LRRTM3: variants seen among roughly 807,000 people sequenced by gnomAD.
The protein encoded by LRRTM3 is leucine-rich repeat transmembrane neuronal protein 3.
A neutral mutation model predicts 44.7 loss-of-function variants in LRRTM3; 24 were observed. The observed-to-expected ratio is 0.54, with a 90% CI of 0.39 to 0.76. The LOEUF is 0.76. Ranked by LOEUF, LRRTM3 falls within the 30% of genes least tolerant of loss-of-function variation. LRRTM3 has a pLI of 0.00. For missense variants in LRRTM3, 587 were observed against 702.2 expected (o/e 0.84, Z 1.85); for synonymous variants, 277 against 278.7 (o/e 0.99, Z 0.06).
At chr10:67,059,405 C>A (rs574437240) in intron 2 of LRRTM3, among the ~76,000 whole-genome samples, 7 of 152,074 alleles carry the variant, frequency 4.6e-5, no homozygotes, top group African/African-American at 1.7e-4. Context: ...GAATTGAAAA[C>A]AATTAATTGC....
chr10:66,946,795 C>T (rs1168913219), intron 2 of LRRTM3, among the ~76,000 whole-genome samples: 1 of 151,976 alleles, frequency 6.6e-6, no homozygotes, highest in Non-Finnish European at 1.5e-5. Flanking sequence ...AGAATTAATC[C>T]CCCTCTTATT....
intron 2 of LRRTM3, among the ~76,000 whole-genome samples, chr10:67,079,783 T>C (rs796362028): frequency 1.3e-5 from 2 of 151,686 alleles, no homozygotes; most frequent in African/African-American, 4.8e-5. Context: ...GGGAGGCGGA[T>C]GTTGCAGTGA....
chr10:66,992,341 T>C (rs1365142305), intron 2 of LRRTM3, among the ~76,000 whole-genome samples: 4 of 152,132 alleles, frequency 2.6e-5, no homozygotes, highest in Non-Finnish European at 5.9e-5. Flanking sequence ...TTTATATCCT[T>C]TGCCTATTTG....
chr10:67,060,925 T>C (rs188139966), intron 2 of LRRTM3, among the ~76,000 whole-genome samples: 143 of 152,286 alleles, frequency 9.4e-4, no homozygotes, highest in Non-Finnish European at 1.1e-3. Context: ...TAGCCTATCT[T>C]GACTGGTAGA....
intron 2 of LRRTM3, among the ~76,000 whole-genome samples, chr10:67,043,135 CTT>C (rs34946963): frequency 0.034 from 3,476 of 103,744 alleles, 111 homozygotes; most frequent in African/African-American, 0.078. Context: ...CACTTTCTTT[CTT>C]TTTTTTTTTT....
At chr10:66,990,495 AT>A (rs899750692) in intron 2 of LRRTM3, among the ~76,000 whole-genome samples, 7 of 152,248 alleles carry the variant, frequency 4.6e-5, no homozygotes, top group Admixed American at 1.3e-4. Flanking sequence ...ACCTATTTAG[AT>A]TTTTTTGTAC....
At chr10:67,042,677 G>A (rs948900041) in intron 2 of LRRTM3, among the ~76,000 whole-genome samples, 62 of 152,054 alleles carry the variant, frequency 4.1e-4, no homozygotes, top group African/African-American at 1.4e-3. Flanking sequence ...AGGTAAGAGT[G>A]GGGAAACTAT....
intron 2 of LRRTM3, among the ~76,000 whole-genome samples, chr10:67,077,429 T>TTTGCCCCACTCCCC (rs1218259322): frequency 6.6e-6 from 1 of 152,146 alleles, no homozygotes; most frequent in Non-Finnish European, 1.5e-5. Flanking sequence ...ACCCAGTCCC[T>TTTGCCCCACTCCCC]TTGCCCCACT....
At chr10:67,033,734 C>T (rs973293996) in intron 2 of LRRTM3, among the ~76,000 whole-genome samples, 6 of 152,120 alleles carry the variant, frequency 3.9e-5, no homozygotes, top group Admixed American at 3.3e-4. Flanking sequence ...AAGTAGCCCA[C>T]TTCTAGAATC....
intron 2 of LRRTM3, among the ~76,000 whole-genome samples, chr10:67,070,527 T>C (rs1373033850): frequency 6.6e-6 from 1 of 152,128 alleles, no homozygotes; most frequent in Admixed American, 6.6e-5. Flanking sequence ...GGCAGGCAGA[T>C]AACAAGGTCC....
intron 2 of LRRTM3, among the ~76,000 whole-genome samples, chr10:66,945,309 C>T (rs117606296): frequency 2.0e-5 from 3 of 152,326 alleles, no homozygotes; most frequent in African/African-American, 4.8e-5. Flanking sequence ...CCACTTCAAG[C>T]GTTGTGCTGT....
At chr10:67,080,577 T>C (rs1261253425) in intron 2 of LRRTM3, among the ~76,000 whole-genome samples, 2 of 152,158 alleles carry the variant, frequency 1.3e-5, no homozygotes, top group Non-Finnish European at 2.9e-5. Context: ...ATTTATTCAA[T>C]AGGCATCATC....
intron 2 of LRRTM3, among the ~76,000 whole-genome samples, chr10:66,984,220 C>T (rs1589546558): frequency 6.6e-6 from 1 of 152,190 alleles, no homozygotes; most frequent in South Asian, 2.1e-4. Context: ...CGAATGATGA[C>T]GTTCTTTCAG....
intron 2 of LRRTM3, among the ~76,000 whole-genome samples, chr10:67,045,604 G>A: frequency 6.6e-6 from 1 of 152,204 alleles, no homozygotes; most frequent in East Asian, 1.9e-4. Flanking sequence ...GGGCAAGGGG[G>A]CAGCTGCCTT....
At position 67,039,427 on chromosome 10, in the gene LRRTM3, C is replaced by T. The variant is rs74966845; in HGVS notation, c.1537-58160C>T. On this transcript the variant is annotated intron_variant, in intron 2 of 2. Transcript: ENST00000361320. ...AAAAGCCTGCTCTTACAAGTACATT[C>T]GAATGTTCAGAAATTCAAATGAAGC... is the stretch of plus-strand genomic sequence containing the variant. Among the ~76,000 whole-genome samples, 211 of 152,166 alleles carry T rather than the reference C, an allele frequency of 1.4e-3. 3 individuals carry two copies. Among genetic ancestry groups the T allele is most frequent in the Admixed American group, 9.8e-3 (150 of 15,252 alleles).
At chr10:66,972,643 C>G (rs1381343137) in intron 2 of LRRTM3, among the ~76,000 whole-genome samples, 1 of 150,202 alleles carries the variant, frequency 6.7e-6, no homozygotes, top group Non-Finnish European at 1.5e-5. Flanking sequence ...TGAACATAAG[C>G]AAACCCATAA....
intron 2 of LRRTM3, among the ~76,000 whole-genome samples, chr10:67,089,566 A>G (rs1198447494): frequency 1.3e-5 from 2 of 152,032 alleles, no homozygotes; most frequent in African/African-American, 4.8e-5. Context: ...ATATTGAATC[A>G]CTTCTCAGCA....
chr10:66,959,776 C>A (rs1849017216), intron 2 of LRRTM3, among the ~76,000 whole-genome samples: 1 of 152,144 alleles, frequency 6.6e-6, no homozygotes, highest in Non-Finnish European at 1.5e-5. Context: ...TTAATTTTCT[C>A]TCTATCCGAC....
chr10:67,006,436 A>G (rs1851993833), intron 2 of LRRTM3, among the ~76,000 whole-genome samples: 1 of 152,072 alleles, frequency 6.6e-6, no homozygotes, highest in Non-Finnish European at 1.5e-5. Flanking sequence ...ACTACTCTAC[A>G]TCTTGAAAAG....
Sources: gnomAD v4.1 joint callset for allele counts (sites outside exome capture counted in the v4.1 genomes callset) on GRCh38, gnomAD v4.1.1 for gene constraint, MANE v1.5 for transcripts, NCBI Gene and HGNC (gene_info 2026-07-23, HGNC 2026-07-21) for gene names.